Variants in DNAJC16 observed in about 807,000 individuals in gnomAD.
DNAJC16 encodes the protein DnaJ heat shock protein family (Hsp40) member C16, also known as dnaJ homolog subfamily C member 16.
In DNAJC16, 76 loss-of-function variants were observed where a neutral mutation model predicts 92.7. That is an observed-to-expected ratio of 0.82 (90% CI 0.68 to 0.99). The LOEUF is 0.99. Among genes scored for constraint, DNAJC16 ranks in the 50% least tolerant of loss-of-function variants. The pLI, the probability that DNAJC16 is intolerant of heterozygous loss-of-function variation, is 0.00. For missense variants in DNAJC16, 869 were observed against 942.4 expected (o/e 0.92, Z 1.02); for synonymous variants, 328 against 358.7 (o/e 0.91, Z 0.97).
intron 7 of DNAJC16, among the ~76,000 whole-genome samples, chr1:15,555,063 T>C (rs1638535548): frequency 6.7e-6 from 1 of 150,148 alleles, no homozygotes; most frequent in Non-Finnish European, 1.5e-5. Flanking sequence ...TAGTTTATGC[T>C]GCAGAAAAAA....
chr1:15,527,883 GAAA>G lies in DNAJC16; in HGVS notation c.-19+931_-19+933del, dbSNP rs377666346. 1.1e-4 allele frequency among the ~76,000 whole-genome samples: 17 copies of G among 151,824 alleles called. 1 individual carries two copies. The highest frequency in any genetic ancestry group is 4.1e-4 in the African/African-American group (17 of 41,412). ...AGAAATCAAGATAAATGTGTTCCTT[GAAA>G]AAAAACATTGTAGGGTATAACAGCA... On this transcript the variant is annotated intron_variant, in intron 1 of 14. Coordinates refer to ENST00000375847, the MANE Select transcript of DNAJC16 (RefSeq NM_015291.4).
At position 15,539,888 on chromosome 1, in the gene DNAJC16, C is replaced by T. The variant is rs556312242; in HGVS notation, c.574+3074C>T. On this transcript the variant is annotated intron_variant, in intron 4 of 14. Transcript: ENST00000375847. ...GCTGAAAATACAAAAATTAGCCAGG[C>T]GTGGTGGTGCGTGCCTGTAATCTCA... is the stretch of plus-strand genomic sequence containing the variant. Among the ~76,000 whole-genome samples the T allele has an allele frequency of 1.3e-4, 20 of 151,798 alleles. 1 individual carries two copies. In the South Asian group the frequency reaches 3.1e-3, roughly 24 times the overall value.
intron 14 of DNAJC16, 85 bp from the exon 15 acceptor site, chr1:15,567,688 ATTATT>A (rs1297943798): frequency 1.4e-6 from 2 of 1,382,884 alleles, no homozygotes; most frequent in Non-Finnish European, 2.0e-6. Context: ...GCGTTTTCCT[ATTATT>A]TTAAGTCTCA....
chr1:15,547,703 A>G (rs1638344878), intron 6 of DNAJC16, among the ~76,000 whole-genome samples: 1 of 152,112 alleles, frequency 6.6e-6, no homozygotes, highest in South Asian at 2.1e-4. Flanking sequence ...CGGCCTCCCA[A>G]AGTGCTGGGA....
intron 7 of DNAJC16, among the ~76,000 whole-genome samples, chr1:15,552,334 AC>A (rs1462026656): frequency 6.6e-6 from 1 of 151,516 alleles, no homozygotes; most frequent in African/African-American, 2.4e-5. Flanking sequence ...AAAAAAAAAT[AC>A]AAAAATTAGC....
In DNAJC16 at chr1:15,568,953, G is replaced by A. The variant is rs561299662; in HGVS notation, c.*776G>A. The A allele has an allele frequency of 1.2e-3, 454 of 367,502 alleles. 4 individuals carry two copies. The highest frequency in any genetic ancestry group is 8.8e-3 in the African/African-American group (425 of 48,230). 22.8% of individuals were successfully genotyped at this position (367,502 alleles called of 1,614,324 possible). A position where few individuals can be genotyped will look rare whatever the true frequency, so the allele number is the denominator to read the frequency against. On this transcript the variant is annotated 3_prime_UTR_variant, in exon 15 of 15. Coordinates refer to ENST00000375847, the MANE Select transcript of DNAJC16 (RefSeq NM_015291.4). ...TCTGCACAGCGAGAAGTACTGTGAT[G>A]ACTTTGAGCCGTTGACATGTATGTC...
At chr1:15,555,742 C>G (rs1008921100) in intron 7 of DNAJC16, among the ~76,000 whole-genome samples, 2 of 149,280 alleles carry the variant, frequency 1.3e-5, no homozygotes, top group Non-Finnish European at 3.0e-5. Flanking sequence ...AATCCTAGCA[C>G]TTTGGGAGGC....
intron 7 of DNAJC16, among the ~76,000 whole-genome samples, chr1:15,549,783 A>C (rs1330071763): frequency 2.1e-5 from 3 of 141,574 alleles, no homozygotes; most frequent in Non-Finnish European, 3.0e-5. Context: ...CGCCCACTGC[A>C]CTCCAGCCTG....
At chr1:15,561,513 C>T (rs1048143737) in intron 8 of DNAJC16, among the ~76,000 whole-genome samples, 1 of 151,432 alleles carries the variant, frequency 6.6e-6, no homozygotes, top group Non-Finnish European at 1.5e-5. Context: ...AGTGAAAACC[C>T]GTCTCTACTA....
intron 3 of DNAJC16, among the ~76,000 whole-genome samples, chr1:15,534,926 A>G (rs1279447459): frequency 6.6e-6 from 1 of 152,208 alleles, no homozygotes; most frequent in African/African-American, 2.4e-5. Context: ...ATATTTATTA[A>G]AGTGGCACGA....
intron 2 of DNAJC16, among the ~76,000 whole-genome samples, chr1:15,533,954 G>A (rs1710720211): frequency 6.6e-6 from 1 of 152,184 alleles, no homozygotes; most frequent in African/African-American, 2.4e-5. Flanking sequence ...GCAGTGTACA[G>A]ACATGCACCA....
At chr1:15,557,734 G>GTT (rs771602188) in intron 7 of DNAJC16, among the ~76,000 whole-genome samples, 1 of 143,604 alleles carries the variant, frequency 7.0e-6, no homozygotes, top group Non-Finnish European at 1.5e-5. Context: ...TCTTGTTTTG[G>GTT]TTTTTTTTTT....
chr1:15,544,151 TACAC>T lies in DNAJC16; in HGVS notation c.575-216_575-213del, dbSNP rs148744006. Among the ~76,000 whole-genome samples, 995 of 137,258 alleles carry T rather than the reference TACAC, an allele frequency of 7.2e-3. 12 individuals are homozygous for T. The highest frequency in any genetic ancestry group is 0.045 in the East Asian group (221 of 4,952). The allele number at this position is 137,258 out of a possible 152,430, so 90.0% of individuals were successfully genotyped here. ...CCCCATTTTGTTTTATGTATATGCA[TACAC>T]ACACACACACACACACACACACACA... On this transcript the variant is annotated intron_variant, in intron 4 of 14. Coordinates refer to ENST00000375847, the MANE Select transcript of DNAJC16 (RefSeq NM_015291.4).
rs150666951 is a variant in DNAJC16, at chr1:15,562,511, G to T, written c.1338+186G>T. ...TTTTTTTTTTTTCTTTTGAGACAGG[G>T]TCTCACTCTGTCTCCCAGGCTGGGA... On this transcript the variant is annotated intron_variant, in intron 9 of 14. Transcript: ENST00000375847. Among the ~76,000 whole-genome samples the T allele has an allele frequency of 3.3e-3, 499 of 150,278 alleles. 2 individuals are homozygous for T. Among genetic ancestry groups the T allele is most frequent in the Non-Finnish European group, 3.9e-3 (263 of 67,666 alleles).
chr1:15,542,302 T>G (rs904519568), intron 4 of DNAJC16: 5 of 152,132 alleles, frequency 3.3e-5, no homozygotes, highest in Non-Finnish European at 7.3e-5. Context: ...TAGCCTCACA[T>G]TTACTGGCAA....
rs572027000 is a variant in DNAJC16, at chr1:15,546,767, G to T, written c.760G>T (p.Val254Phe). Residue 254 changes from valine (V) to phenylalanine (F), a missense_variant and splice_region_variant, in exon 6 of 15, where the codon GTT becomes TTT. Physicochemically the swap from Val to Phe is conservative, Grantham distance 50 (BLOSUM62 -1). Transcript: ENST00000375847. Reference protein sequence around the residue: ...SLLPGNLVEKVTNKNYVRFLS... With the variant: ...SLLPGNLVEKFTNKNYVRFLS... ...ACTAACATTCTATTTTCAATTTAAGGTTACAAATAAAAATTACGTCAGATT... is the reference window on the plus strand; with the variant it reads ...ACTAACATTCTATTTTCAATTTAAGTTTACAAATAAAAATTACGTCAGATT... 6.2e-7 allele frequency: 1 copy of T among 1,608,760 alleles called. No individual in the cohort carries two copies. The highest frequency in any genetic ancestry group is 8.5e-7 in the Non-Finnish European group (1 of 1,176,290).
At chr1:15,565,408 GCACC>G (rs1330673824) in intron 11 of DNAJC16, 2 of 163,524 alleles carry the variant, frequency 1.2e-5, no homozygotes, top group Non-Finnish European at 2.6e-5. Context: ...GTGATTCCTG[GCACC>G]CAACACAGCA....
At chr1:15,551,293 GT>G (rs1638437553) in intron 7 of DNAJC16, among the ~76,000 whole-genome samples, 1 of 152,210 alleles carries the variant, frequency 6.6e-6, no homozygotes, top group Non-Finnish European at 1.5e-5. Context: ...GCATAAAGCT[GT>G]CCTGCTGCAC....
intron 13 of DNAJC16, chr1:15,566,459 G>A (rs1638809708): frequency 7.3e-6 from 3 of 411,414 alleles, no homozygotes. Flanking sequence ...CCCTGTAAAT[G>A]TCAATGAACG....
Sources: allele counts gnomAD v4.1 joint callset (sites outside exome capture counted in the v4.1 genomes callset), GRCh38; gene constraint gnomAD v4.1.1; transcripts MANE v1.5; gene names NCBI Gene and HGNC (gene_info 2026-07-23, HGNC 2026-07-21).